The following SMOC2 variants were observed in gnomAD, a reference collection of about 807,000 sequenced individuals.
The protein encoded by SMOC2 is SPARC-related modular calcium-binding protein 2.
A neutral mutation model predicts 61.4 loss-of-function variants in SMOC2; 39 were observed. That is an observed-to-expected ratio of 0.64 (90% CI 0.49 to 0.83). The LOEUF is 0.83. SMOC2 is among the 40% of genes least tolerant of loss of function. The pLI is 0.00. For missense variants in SMOC2, 556 were observed against 592.9 expected (o/e 0.94, Z 0.65); for synonymous variants, 247 against 239.9 (o/e 1.03, Z -0.27).
At position 168,662,718 on chromosome 6, in the gene SMOC2, G is replaced by A. The variant is rs934791380; in HGVS notation, c.1286-1356G>A. 2.0e-5 allele frequency among the ~76,000 whole-genome samples: 3 copies of A among 152,210 alleles called. No homozygotes were observed. The East Asian group carries it at 5.8e-4, about 29-fold the overall frequency. On this transcript the variant is annotated intron_variant, in intron 11 of 12. Transcript: ENST00000356284. ...TGGTGAGGTGTCTGCTCGGGTCCAC[G>A]TGGGAGAGGTGGGCGGTTCCGGCCA...
chr6:168,656,748 G>A (rs1247145819), intron 11 of SMOC2, among the ~76,000 whole-genome samples: 11 of 152,264 alleles, frequency 7.2e-5, no homozygotes, highest in African/African-American at 9.6e-5. Flanking sequence ...GTGTCATGGC[G>A]ACGCACTTCC....
chr6:168,464,217 G>A (rs1481230839), intron 1 of SMOC2, among the ~76,000 whole-genome samples: 4 of 148,872 alleles, frequency 2.7e-5, no homozygotes, highest in African/African-American at 9.9e-5. Context: ...AAGGAAGAAA[G>A]GAAGGAAGGA....
At chr6:168,580,871 TA>T (rs1340283189) in intron 7 of SMOC2, among the ~76,000 whole-genome samples, 1 of 152,228 alleles carries the variant, frequency 6.6e-6, no homozygotes, top group Non-Finnish European at 1.5e-5. Context: ...AACACAGTTT[TA>T]ATGCTGTGTT....
chr6:168,597,231 C>A (rs1057270462), intron 7 of SMOC2, among the ~76,000 whole-genome samples: 2 of 152,206 alleles, frequency 1.3e-5, no homozygotes, highest in Non-Finnish European at 2.9e-5. Flanking sequence ...CTAATAGCAA[C>A]ATTTGGTAAT....
intron 1 of SMOC2, among the ~76,000 whole-genome samples, chr6:168,454,605 T>G (rs1244535143): frequency 6.6e-6 from 1 of 152,180 alleles, no homozygotes; most frequent in African/African-American, 2.4e-5. Flanking sequence ...CCGTTTGCCC[T>G]TCAGCCGGTG....
chr6:168,491,787 G>A (rs1052813892), intron 1 of SMOC2, among the ~76,000 whole-genome samples: 6 of 152,210 alleles, frequency 3.9e-5, no homozygotes, highest in African/African-American at 9.6e-5. Context: ...CTTGTTGGCC[G>A]TATTATAAGT....
At chr6:168,601,980 A>T (rs1023677008) in intron 8 of SMOC2, among the ~76,000 whole-genome samples, 1 of 152,256 alleles carries the variant, frequency 6.6e-6, no homozygotes, top group African/African-American at 2.4e-5. Flanking sequence ...AGAACATGAA[A>T]GTAAACAAAT....
Position 168,583,671 on chromosome 6 carries a change from C to G in SMOC2, c.638-15147C>G, listed in dbSNP as rs982209539. 3.3e-5 allele frequency among the ~76,000 whole-genome samples: 5 copies of G among 152,200 alleles called. No individual in the cohort carries two copies. The East Asian group carries it at 5.8e-4, about 18-fold the overall frequency. On this transcript the variant is annotated intron_variant, in intron 7 of 12. Coordinates refer to ENST00000356284, the MANE Select transcript of SMOC2 (RefSeq NM_001166412.2). ...ACACAAGCAAATTTGGAGCCTCCCC[C>G]GCCTCTTGCTCCCCAACCTCCTGCT...
At chr6:168,458,238 T>C (rs893439064) in intron 1 of SMOC2, among the ~76,000 whole-genome samples, 1 of 152,128 alleles carries the variant, frequency 6.6e-6, no homozygotes, top group African/African-American at 2.4e-5. Context: ...GGAGACGGTC[T>C]CACCCTGCCC....
chr6:168,467,276 A>G (rs1360106761), intron 1 of SMOC2, among the ~76,000 whole-genome samples: 1 of 149,672 alleles, frequency 6.7e-6, no homozygotes, highest in South Asian at 2.1e-4. Context: ...TGGGCTCAAC[A>G]CTTGGGGGAC....
intron 9 of SMOC2, among the ~76,000 whole-genome samples, chr6:168,612,012 G>A (rs910134900): frequency 5.9e-5 from 9 of 152,216 alleles, no homozygotes; most frequent in Admixed American, 2.0e-4. Flanking sequence ...CGGCATCCGC[G>A]AGGTGGAACG....
chr6:168,467,929 T>C (rs183322739), intron 1 of SMOC2, among the ~76,000 whole-genome samples: 8 of 152,382 alleles, frequency 5.2e-5, no homozygotes, highest in Admixed American at 3.3e-4. Context: ...TTACAATATA[T>C]GTACATATTG....
At chr6:168,584,954 C>T (rs1785016084) in intron 7 of SMOC2, among the ~76,000 whole-genome samples, 1 of 152,148 alleles carries the variant, frequency 6.6e-6, no homozygotes, top group Admixed American at 6.6e-5. Context: ...TGATTCCAAT[C>T]ACCATACATT....
intron 1 of SMOC2, among the ~76,000 whole-genome samples, chr6:168,482,450 G>A (rs944906660): frequency 6.6e-6 from 1 of 152,020 alleles, no homozygotes; most frequent in East Asian, 1.9e-4. Flanking sequence ...GAGAAAACCT[G>A]TGGACCTCAC....
In SMOC2 at chr6:168,502,005, T is replaced by G. The variant is rs182904537; in HGVS notation, c.85-7910T>G. Among the ~76,000 whole-genome samples, 104 of 152,360 alleles carry G rather than the reference T, an allele frequency of 6.8e-4. 1 individual carries two copies. In the East Asian group the frequency reaches 0.014, roughly 21 times the overall value. ...CTGCCTCCATCTTTCCCAGGCTTCC[T>G]GAAGAAACCTGCTCTCTCTTCTTGA... On this transcript the variant is annotated intron_variant, in intron 1 of 12. Coordinates refer to ENST00000356284, the MANE Select transcript of SMOC2 (RefSeq NM_001166412.2).
intron 2 of SMOC2, among the ~76,000 whole-genome samples, chr6:168,519,402 G>A (rs886118595): frequency 1.3e-5 from 2 of 152,108 alleles, no homozygotes; most frequent in Non-Finnish European, 2.9e-5. Flanking sequence ...AACTTCAATC[G>A]GATTTGTGCT....
At chr6:168,611,882 C>A (rs1056423066) in intron 9 of SMOC2, among the ~76,000 whole-genome samples, 1 of 152,186 alleles carries the variant, frequency 6.6e-6, no homozygotes, top group Non-Finnish European at 1.5e-5. Context: ...CGGCCGGCCA[C>A]TCACATGCAC....
Position 168,633,440 on chromosome 6 carries a change from T to A in SMOC2, c.908-17241T>A, listed in dbSNP as rs1786623685. Among the ~76,000 whole-genome samples, 4 of 152,098 alleles carry A rather than the reference T, an allele frequency of 2.6e-5. No homozygotes were observed. In the South Asian group the frequency reaches 8.3e-4, roughly 32 times the overall value. ...TGCACATGGCTCGCTGCACACCGGC[T>A]TTGCCACATGGACTCCAGAGCTGCA... On this transcript the variant is annotated intron_variant, in intron 9 of 12. Coordinates refer to ENST00000356284, the MANE Select transcript of SMOC2 (RefSeq NM_001166412.2).
intron 1 of SMOC2, among the ~76,000 whole-genome samples, chr6:168,472,866 G>A (rs1781993894): frequency 6.6e-6 from 1 of 152,080 alleles, no homozygotes; most frequent in African/African-American, 2.4e-5. Flanking sequence ...CTGGAGCATC[G>A]TGATGTTTTG....
Sources: gnomAD v4.1 joint callset for allele counts (sites outside exome capture counted in the v4.1 genomes callset) on GRCh38, gnomAD v4.1.1 for gene constraint, MANE v1.5 for transcripts, NCBI Gene and HGNC (gene_info 2026-07-23, HGNC 2026-07-21) for gene names.